Variants in GNL3L observed in about 807,000 individuals in gnomAD.
GNL3L encodes the protein guanine nucleotide-binding protein-like 3-like protein.
In GNL3L, 4 loss-of-function variants were observed where a neutral mutation model predicts 42.9. The observed-to-expected ratio is 0.09, with a 90% CI of 0.05 to 0.21. GNL3L has a LOEUF of 0.21. Ranked by LOEUF, GNL3L falls within the 10% of genes least tolerant of loss-of-function variation. The pLI is 1.00. For missense variants in GNL3L, 412 were observed against 481.7 expected, an observed-to-expected ratio of 0.86 and a Z score of 1.36; for synonymous variants, 159 against 176.3, an observed-to-expected ratio of 0.90 and a Z score of 0.78.
chrX:54,552,212 C>A, intron 12 of GNL3L, 80 bp from the exon 13 acceptor site: 4 of 1,037,524 alleles, frequency 3.9e-6, no homozygotes, highest in Non-Finnish European at 5.4e-6. Context: ...CTGTTTCTGG[C>A]CTGCAAACTC....
chrX:54,605,269 A>G (rs1926046428), intron 16 of GNL3L, among the ~76,000 whole-genome samples: 1 of 112,076 alleles, frequency 8.9e-6, no homozygotes, highest in Admixed American at 9.4e-5. Flanking sequence ...TACTTAACCT[A>G]GACCCAAATT....
At chrX:54,607,235 T>C (rs1175810457) in intron 16 of GNL3L, among the ~76,000 whole-genome samples, 2 of 96,951 alleles carry the variant, frequency 2.1e-5, no homozygotes, top group Non-Finnish European at 4.1e-5. Context: ...GGAAATGTAG[T>C]AGGAGAACCC....
rs753110729 is a variant in GNL3L, at chrX:54,614,326, A to C, written c.*46-6519A>C. ...GGCGGAGGACATGACAGGCTTGAAA[A>C]CTTGCCCCCGGCTACTCACCTTCCA... On this transcript the variant is annotated intron_variant, in intron 16 of 16. Transcript: ENST00000674498. Among the ~76,000 whole-genome samples the C allele has an allele frequency of 1.0e-3, 116 of 110,599 alleles. 1 individual carries two copies. The highest frequency in any genetic ancestry group is 3.7e-3 in the African/African-American group (112 of 30,413).
At chrX:54,610,326 T>C in intron 16 of GNL3L, among the ~76,000 whole-genome samples, 1 of 111,284 alleles carries the variant, frequency 9.0e-6, no homozygotes, top group Non-Finnish European at 1.9e-5. Context: ...TCTTTAGCAA[T>C]TTGGATGCCT....
chrX:54,598,405 C>T, intron 16 of GNL3L, among the ~76,000 whole-genome samples: 1 of 111,308 alleles, frequency 9.0e-6, no homozygotes, highest in East Asian at 2.8e-4. Context: ...CCTAACCAGA[C>T]TAACAAATTC....
chrX:54,541,475 G>T (rs1170658269), intron 5 of GNL3L, 86 bp downstream of exon 5: 3 of 490,414 alleles, frequency 6.1e-6, no homozygotes, highest in Non-Finnish European at 1.1e-5. Context: ...GTGTGAAGTT[G>T]TTGGAGGGGA....
At chrX:54,643,568 AG>A in the GNL3L span, among the ~76,000 whole-genome samples, 2 of 111,312 alleles carry the variant, frequency 1.8e-5, no homozygotes, top group Admixed American at 9.6e-5. Flanking sequence ...TGATCCAGTC[AG>A]GGTAATTGGG....
At chrX:54,611,024 G>A (rs190214622) in intron 16 of GNL3L, among the ~76,000 whole-genome samples, 1 of 111,008 alleles carries the variant, frequency 9.0e-6, no homozygotes, top group East Asian at 2.8e-4. Context: ...CAGCCTCGCT[G>A]CTTGTTATTG....
In GNL3L at chrX:54,566,656, G is replaced by T. The variant is rs1378315206; in HGVS notation, c.*6054G>T. ...GAATTTCTTTTCTTTTTAATGCTGA[G>T]TATTATTCTATTGTGTGTATATACC... On this transcript the variant is annotated 3_prime_UTR_variant, in exon 16 of 16. Coordinates refer to ENST00000360845, the MANE Select transcript of GNL3L (RefSeq NM_001184819.2). Among the ~76,000 whole-genome samples, 1 of 112,359 alleles carries T rather than the reference G, an allele frequency of 8.9e-6. No individual in the cohort carries two copies. The highest frequency in any genetic ancestry group is 3.2e-5 in the African/African-American group (1 of 30,938).
intron 15 of GNL3L, 116 bp from the exon 16 acceptor site, chrX:54,560,404 G>T (rs1007362383): frequency 2.0e-6 from 1 of 505,793 alleles, no homozygotes; most frequent in Non-Finnish European, 3.5e-6. Flanking sequence ...GCGTTTGGGG[G>T]TAAGTGAGCC....
chrX:54,620,215 CTTA>C (rs1926270688), intron 16 of GNL3L, among the ~76,000 whole-genome samples: 1 of 110,850 alleles, frequency 9.0e-6, no homozygotes, highest in Non-Finnish European at 1.9e-5. Flanking sequence ...AATTCTAGAT[CTTA>C]TTCATTCTTT....
chrX:54,582,471 A>G (rs1413015603), intron 16 of GNL3L, among the ~76,000 whole-genome samples: 1 of 112,671 alleles, frequency 8.9e-6, no homozygotes, highest in East Asian at 2.8e-4. Context: ...CCGACAATGT[A>G]TGAGTGATAC....
In GNL3L at chrX:54,563,617, C is replaced by T. The variant is rs181817475; in HGVS notation, c.*3015C>T. The stretch of plus-strand genomic sequence containing the variant: ...TAAACAATATGGCGAAACCTCATCT[C>T]TACCAAAAAAATACAAAGATTAGCT... On this transcript the variant is annotated 3_prime_UTR_variant, in exon 16 of 16. Transcript: ENST00000360845. 2.3e-3 allele frequency among the ~76,000 whole-genome samples: 256 copies of T among 109,034 alleles called. 1 individual carries two copies. The highest frequency in any genetic ancestry group is 8.6e-3 in the African/African-American group (248 of 28,915). The allele number at this position is 109,034 out of a possible 115,157, so 94.7% of individuals were successfully genotyped here.
intron 16 of GNL3L, among the ~76,000 whole-genome samples, chrX:54,573,121 GCTC>G (rs1569542340): frequency 1.8e-5 from 2 of 111,945 alleles, no homozygotes; most frequent in Non-Finnish European, 3.8e-5. Flanking sequence ...AGGCAGAGAC[GCTC>G]CTCACTTCCC....
the GNL3L span, among the ~76,000 whole-genome samples, chrX:54,636,769 C>T: frequency 1.8e-5 from 2 of 112,113 alleles, no homozygotes; most frequent in African/African-American, 3.2e-5. Context: ...ATCCAATCCA[C>T]TGTTGATGGG....
At chrX:54,634,751 T>C in the GNL3L span, among the ~76,000 whole-genome samples, 1 of 103,746 alleles carries the variant, frequency 9.6e-6, no homozygotes, top group African/African-American at 3.5e-5. Context: ...CCTCCCAAAG[T>C]GCTGGGATTA....
chrX:54,618,724 A>G (rs1926251756), intron 16 of GNL3L, among the ~76,000 whole-genome samples: 1 of 110,648 alleles, frequency 9.0e-6, no homozygotes, highest in Non-Finnish European at 1.9e-5. Flanking sequence ...GTGAGACACC[A>G]TCTCTGCAAA....
chrX:54,561,736 A>G lies in GNL3L; in HGVS notation c.*1134A>G, dbSNP rs1383998360. On this transcript the variant is annotated 3_prime_UTR_variant, in exon 16 of 16. Coordinates refer to ENST00000360845, the MANE Select transcript of GNL3L (RefSeq NM_001184819.2). Reference sequence around the variant, plus strand: ...AAGAGGGTTCTGGTACCATTTATTCACAGACTGTATCCTCGAGAGAGCTGC... The same window carrying G: ...AAGAGGGTTCTGGTACCATTTATTCGCAGACTGTATCCTCGAGAGAGCTGC... 9.0e-6 allele frequency among the ~76,000 whole-genome samples: 1 copy of G among 111,345 alleles called. No individual in the cohort carries two copies. The highest frequency in any genetic ancestry group is 3.3e-5 in the African/African-American group (1 of 30,583).
In GNL3L at chrX:54,563,593, A is replaced by C. The variant is rs1225266770; in HGVS notation, c.*2991A>C. Among the ~76,000 whole-genome samples, 1 of 110,189 alleles carries C rather than the reference A, an allele frequency of 9.1e-6. No homozygotes were observed. The highest frequency in any genetic ancestry group is 1.9e-5 in the Non-Finnish European group (1 of 53,004). On this transcript the variant is annotated 3_prime_UTR_variant, in exon 16 of 16. Transcript: ENST00000360845. ...GAGGTCAGGAGTTCAAGACCAGCCTAAACAATATGGCGAAACCTCATCTCT... is the reference window on the plus strand; with the variant it reads ...GAGGTCAGGAGTTCAAGACCAGCCTCAACAATATGGCGAAACCTCATCTCT...
Sources: allele counts gnomAD v4.1 joint callset (sites outside exome capture counted in the v4.1 genomes callset), GRCh38; gene constraint gnomAD v4.1.1; transcripts MANE v1.5; gene names NCBI Gene and HGNC (gene_info 2026-07-23, HGNC 2026-07-21).